The following PLXNA2 variants were observed in gnomAD, a reference collection of about 807,000 sequenced individuals.
PLXNA2 encodes plexin A2, also known as plexin-A2.
In PLXNA2, 91 loss-of-function variants were observed where a neutral mutation model predicts 193.5. The ratio of observed to expected loss-of-function variants is 0.47; its 90% confidence interval spans 0.40 to 0.56. The LOEUF is 0.56. Among genes scored for constraint, PLXNA2 ranks in the 20% least tolerant of loss-of-function variants. The pLI is 0.00. For synonymous variants in PLXNA2, 997 were observed against 1,027.3 expected (o/e 0.97, Z 0.56); for missense variants, 1,995 against 2,503.2 (o/e 0.80, Z 4.33).
At chr1:208,041,752 A>G (rs1186027902) in intron 22 of PLXNA2, among the ~76,000 whole-genome samples, 1 of 152,224 alleles carries the variant, frequency 6.6e-6, no homozygotes, top group Non-Finnish European at 1.5e-5. Flanking sequence ...TGAGATAGGA[A>G]TTATTTTTCT....
intron 3 of PLXNA2, among the ~76,000 whole-genome samples, chr1:208,166,310 A>G (rs1370424693): frequency 6.6e-6 from 1 of 152,278 alleles, no homozygotes; most frequent in Non-Finnish European, 1.5e-5. Context: ...GCTGGCTTGG[A>G]CCTAAGGCAG....
At chr1:208,054,066 C>T (rs943261479) in intron 14 of PLXNA2, among the ~76,000 whole-genome samples, 1 of 152,178 alleles carries the variant, frequency 6.6e-6, no homozygotes, top group Non-Finnish European at 1.5e-5. Context: ...CCTCATTAGG[C>T]TAGAATTAGA....
chr1:208,135,742 G>A (rs1668282061), intron 4 of PLXNA2, among the ~76,000 whole-genome samples: 1 of 152,150 alleles, frequency 6.6e-6, no homozygotes, highest in South Asian at 2.1e-4. Flanking sequence ...GTCAGAATGG[G>A]TGCTCTCTAC....
At chr1:208,107,419 A>T (rs570028522) in intron 4 of PLXNA2, among the ~76,000 whole-genome samples, 47 of 152,252 alleles carry the variant, frequency 3.1e-4, no homozygotes, top group African/African-American at 1.1e-3. Flanking sequence ...GGAAGGCAAC[A>T]GTGCTCTGGG....
chr1:208,119,801 G>A (rs1475300438), intron 4 of PLXNA2, among the ~76,000 whole-genome samples: 1 of 152,182 alleles, frequency 6.6e-6, no homozygotes, highest in Admixed American at 6.5e-5. Context: ...TTTTAGTAGA[G>A]ATGGGGTTTC....
At chr1:208,097,641 C>A (rs902658279) in intron 6 of PLXNA2, among the ~76,000 whole-genome samples, 2 of 152,118 alleles carry the variant, frequency 1.3e-5, no homozygotes, top group African/African-American at 2.4e-5. Flanking sequence ...AGGAATCTGT[C>A]GATTGAGAAA....
At position 208,051,245 on chromosome 1, in the gene PLXNA2, T is replaced by C; in HGVS notation, c.3161+11A>G. 2 of 1,602,358 alleles carry C rather than the reference T, an allele frequency of 1.2e-6. No individual in the cohort carries two copies. The highest frequency in any genetic ancestry group is 1.3e-5 in the African/African-American group (1 of 74,786). ...GGCTTCCAGGTGCATCCCTCCCACC[T>C]TCCACCTCACCTGGCAATGCTCCAC... is the stretch of plus-strand genomic sequence containing the variant. On this transcript the variant is annotated intron_variant, in intron 16 of 31. Transcript: ENST00000367033.
chr1:208,062,875 CT>C (rs1160234861), intron 12 of PLXNA2, among the ~76,000 whole-genome samples: 2 of 152,184 alleles, frequency 1.3e-5, no homozygotes, highest in Non-Finnish European at 2.9e-5. Context: ...CCAGTCTCCC[CT>C]GGCACAGTTT....
chr1:208,127,874 G>A (rs7528264), intron 4 of PLXNA2, among the ~76,000 whole-genome samples: 13,321 of 152,256 alleles, frequency 0.087, 632 homozygotes, highest in South Asian at 0.13. Flanking sequence ...CGGGAGCAGC[G>A]AGTAGGGAAG....
chr1:208,172,755 C>T (rs1451481596), intron 3 of PLXNA2, among the ~76,000 whole-genome samples: 1 of 152,172 alleles, frequency 6.6e-6, no homozygotes, highest in Non-Finnish European at 1.5e-5. Flanking sequence ...GGAGTCCCTG[C>T]AGGAGCCTGC....
chr1:208,089,265 A>G (rs552136481), intron 9 of PLXNA2, among the ~76,000 whole-genome samples: 6 of 152,296 alleles, frequency 3.9e-5, no homozygotes, highest in African/African-American at 1.2e-4. Context: ...TGGCCCATCC[A>G]TAGCCTGAAT....
At chr1:208,150,713 C>A (rs1337587196) in intron 3 of PLXNA2, among the ~76,000 whole-genome samples, 1 of 152,122 alleles carries the variant, frequency 6.6e-6, no homozygotes, top group Admixed American at 6.5e-5. Context: ...CTATGCTGCT[C>A]GTAGAACTAA....
intron 3 of PLXNA2, among the ~76,000 whole-genome samples, chr1:208,181,217 T>C (rs1669830781): frequency 6.6e-6 from 1 of 152,180 alleles, no homozygotes; most frequent in African/African-American, 2.4e-5. Context: ...CCGACCCAGG[T>C]AGGCAGACCG....
At chr1:208,118,316 G>C (rs775416573) in intron 4 of PLXNA2, among the ~76,000 whole-genome samples, 19 of 152,226 alleles carry the variant, frequency 1.2e-4, no homozygotes, top group Non-Finnish European at 2.6e-4. Context: ...GAGTGAATAG[G>C]TCAGGCAGTC....
At position 208,068,693 on chromosome 1, in the gene PLXNA2, C is replaced by T. The variant is rs377260081; in HGVS notation, c.2587-7856G>A. Among the ~76,000 whole-genome samples, 7 of 152,344 alleles carry T rather than the reference C, an allele frequency of 4.6e-5. No homozygotes were observed. The East Asian group carries it at 5.8e-4, about 13-fold the overall frequency. ...GATGACTTCCTTTGCTTGTCACACACGCCATTAACCAGGCTGGCCCTGGGC... is the reference window on the plus strand; with the variant it reads ...GATGACTTCCTTTGCTTGTCACACATGCCATTAACCAGGCTGGCCCTGGGC... On this transcript the variant is annotated intron_variant, in intron 12 of 31. Coordinates refer to ENST00000367033, the MANE Select transcript of PLXNA2 (RefSeq NM_025179.4).
intron 4 of PLXNA2, among the ~76,000 whole-genome samples, chr1:208,141,184 A>G (rs539525049): frequency 6.6e-6 from 1 of 152,326 alleles, no homozygotes; most frequent in East Asian, 1.9e-4. Flanking sequence ...TCAAGAACTA[A>G]TTTTCAACTC....
rs144042331 is a variant in PLXNA2 at position 208,108,822 on chromosome 1, G to A, written c.1507-5575C>T. Among the ~76,000 whole-genome samples, 537 of 152,294 alleles carry A rather than the reference G, an allele frequency of 3.5e-3. 1 individual carries two copies. The highest frequency in any genetic ancestry group is 0.012 in the African/African-American group (500 of 41,568). ...CCACAATAGAAGTAGAACCAGGACC[G>A]TCGTGGCTCAGAGGACAGAGAGTGG... On this transcript the variant is annotated intron_variant, in intron 4 of 31. Transcript: ENST00000367033.
At chr1:208,221,259 G>C (rs557533974) in intron 1 of PLXNA2, among the ~76,000 whole-genome samples, 152 of 152,082 alleles carry the variant, frequency 1.0e-3, no homozygotes, top group African/African-American at 3.5e-3. Context: ...TCCTTTTTCA[G>C]ATAAAATGCT....
intron 18 of PLXNA2, 61 bp downstream of exon 18, chr1:208,045,817 C>A: frequency 6.3e-7 from 1 of 1,592,970 alleles, no homozygotes; most frequent in South Asian, 1.1e-5. Flanking sequence ...AGGCCAGGAG[C>A]GAGGGGCGCC....
Sources: allele counts gnomAD v4.1 joint callset (sites outside exome capture counted in the v4.1 genomes callset), GRCh38; gene constraint gnomAD v4.1.1; transcripts MANE v1.5; gene names NCBI Gene and HGNC (gene_info 2026-07-23, HGNC 2026-07-21).